SOX5: variants seen among roughly 807,000 people sequenced by gnomAD.
SOX5 encodes SRY-box transcription factor 5, also known as transcription factor SOX-5.
SOX5 carries 9 observed loss-of-function variants against 92.0 expected under a neutral mutation model. That is an observed-to-expected ratio of 0.10 (90% CI 0.06 to 0.17). The LOEUF (loss-of-function observed/expected upper bound fraction) is 0.17, where lower values mean the gene tolerates loss of function less well. Among genes scored for constraint, SOX5 ranks in the 10% least tolerant of loss-of-function variants. The pLI is 1.00. For missense variants in SOX5, 642 were observed against 944.5 expected (o/e 0.68, Z 4.20); for synonymous variants, 344 against 336.3 (o/e 1.02, Z -0.25).
At chr12:24,221,933 G>A (rs549510672) in intron 3 of SOX5, among the ~76,000 whole-genome samples, 4 of 152,198 alleles carry the variant, frequency 2.6e-5, no homozygotes, top group African/African-American at 4.8e-5. Context: ...TGGAGTGAGT[G>A]AATGCAAGAG....
chr12:24,062,038 G>T (rs949434428), intron 4 of SOX5, among the ~76,000 whole-genome samples: 1 of 152,166 alleles, frequency 6.6e-6, no homozygotes, highest in Non-Finnish European at 1.5e-5. Flanking sequence ...TAACAAAGTT[G>T]CATCAACTAA....
intron 3 of SOX5, among the ~76,000 whole-genome samples, chr12:23,758,895 C>A (rs1304841478): frequency 4.6e-5 from 7 of 151,824 alleles, no homozygotes; most frequent in Non-Finnish European, 7.4e-5. Context: ...GCAAGAAGGC[C>A]CTCACCAGAT....
At position 23,614,479 on chromosome 12, in the gene SOX5, G is replaced by A. The variant is rs1275035100; in HGVS notation, c.1018-9946C>T. ...AACATTTTTGAACTCTCTCCAAGGT[G>A]CAGCATGTATCAGTAGCCTGTTATT... is the stretch of plus-strand genomic sequence containing the variant. On this transcript the variant is annotated intron_variant, in intron 8 of 14. Coordinates refer to ENST00000451604, the MANE Select transcript of SOX5 (RefSeq NM_006940.6). Among the ~76,000 whole-genome samples, 3 of 152,206 alleles carry A rather than the reference G, an allele frequency of 2.0e-5. No individual in the cohort carries two copies. In the East Asian group the frequency reaches 5.8e-4, roughly 29 times the overall value.
At chr12:23,721,355 G>C (rs899428800) in intron 6 of SOX5, among the ~76,000 whole-genome samples, 1 of 152,164 alleles carries the variant, frequency 6.6e-6, no homozygotes, top group Non-Finnish European at 1.5e-5. Context: ...AAAGCGCTGG[G>C]ATTACAGGCA....
intron 1 of SOX5, among the ~76,000 whole-genome samples, chr12:24,422,273 T>G (rs537499047): frequency 6.6e-6 from 1 of 152,228 alleles, no homozygotes; most frequent in Non-Finnish European, 1.5e-5. Context: ...TCAACATTAC[T>G]AATATTGATC....
intron 1 of SOX5, among the ~76,000 whole-genome samples, chr12:23,910,842 G>A (rs1301169653): frequency 6.6e-6 from 1 of 152,022 alleles, no homozygotes; most frequent in Admixed American, 6.6e-5. Context: ...AACATAAAAT[G>A]TATATTTATA....
intron 7 of SOX5, among the ~76,000 whole-genome samples, chr12:23,643,403 T>G (rs1300636454): frequency 6.6e-6 from 1 of 152,190 alleles, no homozygotes; most frequent in Admixed American, 6.5e-5. Context: ...GAAATTATGA[T>G]TAGATATCCA....
chr12:23,708,351 T>C (rs967307529), intron 6 of SOX5, among the ~76,000 whole-genome samples: 1 of 150,096 alleles, frequency 6.7e-6, no homozygotes, highest in African/African-American at 2.4e-5. Context: ...CTAGAAAGTC[T>C]GAAAAGTGTG....
At chr12:24,331,600 A>G (rs571993390) in intron 2 of SOX5, among the ~76,000 whole-genome samples, 1 of 152,258 alleles carries the variant, frequency 6.6e-6, no homozygotes, top group Non-Finnish European at 1.5e-5. Context: ...CTGTAATCCC[A>G]GCACTTTGGG....
At chr12:24,018,985 T>C (rs755531688) in intron 4 of SOX5, among the ~76,000 whole-genome samples, 5 of 152,144 alleles carry the variant, frequency 3.3e-5, no homozygotes, top group Non-Finnish European at 5.9e-5. Context: ...AATATAATCA[T>C]GCATTTTTTT....
Position 23,532,991 on chromosome 12 carries a change from A to G in SOX5, c.*1228T>C. Reference sequence around the variant, plus strand: ...CCAGGGAGAAAGGACATCTGGGAGCAGTTTGCTAGTAGCTTCCATGTTATA... The same window carrying G: ...CCAGGGAGAAAGGACATCTGGGAGCGGTTTGCTAGTAGCTTCCATGTTATA... On this transcript the variant is annotated 3_prime_UTR_variant, in exon 15 of 15. Transcript: ENST00000451604. 5.4e-6 allele frequency: 1 copy of G among 185,520 alleles called. No individual in the cohort carries two copies. Among genetic ancestry groups the G allele is most frequent in the South Asian group, 9.2e-5 (1 of 10,876 alleles). 11.5% of individuals were successfully genotyped at this position (185,520 alleles called of 1,614,324 possible). A position where few individuals can be genotyped will look rare whatever the true frequency, so the allele number is the denominator to read the frequency against.
chr12:24,187,904 C>T (rs1208815978), intron 4 of SOX5, among the ~76,000 whole-genome samples: 1 of 152,166 alleles, frequency 6.6e-6, no homozygotes, highest in Admixed American at 6.6e-5. Flanking sequence ...CTATTAATAT[C>T]ACTACTTAGC....
At chr12:23,972,910 A>G (rs1948504836) in intron 4 of SOX5, among the ~76,000 whole-genome samples, 1 of 152,108 alleles carries the variant, frequency 6.6e-6, no homozygotes, top group South Asian at 2.1e-4. Context: ...CACTAAAACT[A>G]TTCCTCTAGT....
chr12:24,266,612 A>C, intron 3 of SOX5, among the ~76,000 whole-genome samples: 3 of 152,234 alleles, frequency 2.0e-5, no homozygotes, highest in South Asian at 2.1e-4. Context: ...TCTTCATTTA[A>C]CTTCCTCCTA....
chr12:24,382,857 A>T (rs1046454346), intron 1 of SOX5, among the ~76,000 whole-genome samples: 8 of 152,038 alleles, frequency 5.3e-5, no homozygotes, highest in Non-Finnish European at 1.0e-4. Context: ...GAATAGATTT[A>T]CCCTTAACTA....
At chr12:24,402,324 C>T (rs1230041445) in intron 1 of SOX5, among the ~76,000 whole-genome samples, 2 of 152,176 alleles carry the variant, frequency 1.3e-5, no homozygotes, top group East Asian at 3.8e-4. Flanking sequence ...TATGAAAACA[C>T]ACACATAAAG....
chr12:23,605,828 G>C (rs575262924), intron 8 of SOX5, among the ~76,000 whole-genome samples: 1 of 151,820 alleles, frequency 6.6e-6, no homozygotes, highest in Non-Finnish European at 1.5e-5. Flanking sequence ...TAAAGTTATC[G>C]ATAAAAATTA....
intron 1 of SOX5, among the ~76,000 whole-genome samples, chr12:23,929,745 T>C (rs1940973429): frequency 6.6e-6 from 1 of 151,918 alleles, no homozygotes; most frequent in African/African-American, 2.4e-5. Context: ...ATTTAATACC[T>C]GTGAAAACAA....
intron 1 of SOX5, among the ~76,000 whole-genome samples, chr12:24,424,808 T>TGGG (rs60026658): frequency 2.7e-4 from 37 of 138,426 alleles, no homozygotes; most frequent in African/African-American, 7.6e-4. Flanking sequence ...GTTTTTTTTT[T>TGGG]GGGGGGGGGG....
Sources: allele counts gnomAD v4.1 joint callset (sites outside exome capture counted in the v4.1 genomes callset), GRCh38; gene constraint gnomAD v4.1.1; transcripts MANE v1.5; gene names NCBI Gene and HGNC (gene_info 2026-07-23, HGNC 2026-07-21).